Variants in NTNG1 observed in about 807,000 individuals in gnomAD.
The protein encoded by NTNG1 is netrin G1.
In NTNG1, 16 loss-of-function variants were observed where a neutral mutation model predicts 54.0. The observed-to-expected ratio is 0.30, with a 90% confidence interval of 0.20 to 0.45. The LOEUF is 0.45. Among genes scored for constraint, NTNG1 ranks in the 20% least tolerant of loss-of-function variants. The probability of loss-of-function intolerance (pLI) is 1.00; values close to 1 mark genes in which losing one functional copy is unlikely to be tolerated. For synonymous variants in NTNG1, 255 were observed against 263.1 expected (o/e 0.97, Z 0.30); for missense variants, 530 against 678.7 (o/e 0.78, Z 2.43).
At chr1:107,404,681 C>G (rs1034853966) in intron 4 of NTNG1, among the ~76,000 whole-genome samples, 3 of 152,112 alleles carry the variant, frequency 2.0e-5, no homozygotes, top group African/African-American at 7.2e-5. Context: ...GCCCTCAGAT[C>G]TGTCAGGCAA....
chr1:107,411,506 A>C (rs768189866), intron 5 of NTNG1, among the ~76,000 whole-genome samples: 22 of 152,174 alleles, frequency 1.4e-4, no homozygotes, highest in Non-Finnish European at 2.6e-4. Context: ...TAGTCAAGAA[A>C]ATAACAAGGT....
chr1:107,395,929 A>T (rs1286326371), intron 4 of NTNG1, among the ~76,000 whole-genome samples: 1 of 152,162 alleles, frequency 6.6e-6, no homozygotes, highest in African/African-American at 2.4e-5. Flanking sequence ...CCACATTAAG[A>T]AAAAAGATTT....
chr1:107,331,608 T>C (rs1668285755), intron 3 of NTNG1, among the ~76,000 whole-genome samples: 1 of 152,154 alleles, frequency 6.6e-6, no homozygotes, highest in South Asian at 2.1e-4. Flanking sequence ...TTTTATTATG[T>C]ACACCTGCTT....
At chr1:107,312,600 T>C (rs537577751) in intron 2 of NTNG1, among the ~76,000 whole-genome samples, 1 of 152,120 alleles carries the variant, frequency 6.6e-6, no homozygotes, top group Non-Finnish European at 1.5e-5. Context: ...CCAGTGCGAA[T>C]TGAAGTGTGG....
intron 7 of NTNG1, among the ~76,000 whole-genome samples, chr1:107,476,271 A>G (rs535158144): frequency 3.9e-5 from 6 of 152,140 alleles, no homozygotes; most frequent in South Asian, 2.1e-4. Context: ...GATGTTCTTC[A>G]GTTTTCTATC....
At chr1:107,256,347 T>C (rs1662932219) in intron 2 of NTNG1, among the ~76,000 whole-genome samples, 1 of 152,210 alleles carries the variant, frequency 6.6e-6, no homozygotes, top group African/African-American at 2.4e-5. Context: ...CTAACTGGAC[T>C]CATTCATTCA....
At chr1:107,184,461 T>A (rs1338321320) in intron 2 of NTNG1, among the ~76,000 whole-genome samples, 2 of 152,166 alleles carry the variant, frequency 1.3e-5, no homozygotes, top group Non-Finnish European at 2.9e-5. Flanking sequence ...AGTAGTTTTC[T>A]CACCCTGCTT....
At chr1:107,363,562 TA>T (rs1289612532) in intron 3 of NTNG1, among the ~76,000 whole-genome samples, 3 of 152,270 alleles carry the variant, frequency 2.0e-5, no homozygotes, top group East Asian at 1.9e-4. Flanking sequence ...TTTCCCCCAA[TA>T]AAAAAACCTG....
chr1:107,476,110 T>A (rs1346277058), intron 7 of NTNG1, among the ~76,000 whole-genome samples: 2 of 152,228 alleles, frequency 1.3e-5, no homozygotes, highest in Admixed American at 1.3e-4. Context: ...ACTGTCACAC[T>A]TTTCCAGTTT....
At chr1:107,300,461 T>C (rs569135881) in intron 2 of NTNG1, among the ~76,000 whole-genome samples, 14 of 152,288 alleles carry the variant, frequency 9.2e-5, no homozygotes, top group African/African-American at 3.4e-4. Flanking sequence ...GCGCCAACAC[T>C]CAATTATTCT....
chr1:107,259,089 C>A (rs958437943), intron 2 of NTNG1, among the ~76,000 whole-genome samples: 1 of 152,110 alleles, frequency 6.6e-6, no homozygotes, highest in African/African-American at 2.4e-5. Context: ...TTAGAAAATG[C>A]TGGCTTAAGA....
intron 3 of NTNG1, among the ~76,000 whole-genome samples, chr1:107,352,208 C>A (rs1478043333): frequency 6.6e-6 from 1 of 152,200 alleles, no homozygotes; most frequent in Non-Finnish European, 1.5e-5. Context: ...TTCTCACAGA[C>A]CCACTAGGCA....
At position 107,186,572 on chromosome 1, in the gene NTNG1, G is replaced by A. The variant is rs567438314; in HGVS notation, c.246+37733G>A. ...CTATTAGGTTGGTGCAAAAGTAACT[G>A]CAGTTTTGTCATTAAAAGTAAGGCA... On this transcript the variant is annotated intron_variant, in intron 2 of 7. Coordinates refer to ENST00000370068, the MANE Select transcript of NTNG1 (RefSeq NM_001113226.3). Among the ~76,000 whole-genome samples the A allele has an allele frequency of 4.6e-5, 7 of 152,170 alleles. No homozygotes were observed. The South Asian group carries it at 1.0e-3, about 23-fold the overall frequency.
chr1:107,243,911 G>A (rs1413133055), intron 2 of NTNG1, among the ~76,000 whole-genome samples: 3 of 152,086 alleles, frequency 2.0e-5, no homozygotes, highest in South Asian at 2.1e-4. Flanking sequence ...GTTAAAACTA[G>A]GCATTTTGTC....
chr1:107,144,946 C>T (rs116637423), intron 1 of NTNG1, among the ~76,000 whole-genome samples: 3,664 of 151,998 alleles, frequency 0.024, 139 homozygotes, highest in African/African-American at 0.084. Flanking sequence ...CTGGAGCTGC[C>T]CAGAGCTCTT....
chr1:107,207,247 C>T (rs1364650373), intron 2 of NTNG1, among the ~76,000 whole-genome samples: 7 of 152,172 alleles, frequency 4.6e-5, no homozygotes, highest in Admixed American at 4.6e-4. Context: ...AACACTCTTC[C>T]TGGCACTAAC....
rs149547591 is a variant in NTNG1, at chr1:107,468,288, A to G, written c.1391-12323A>G. ...TAAGGAGACGTTTGGCTATAGCTTG[A>G]CAAACAGGAACCTCAAATTATATTT... On this transcript the variant is annotated intron_variant, in intron 7 of 7. Transcript: ENST00000370068. Among the ~76,000 whole-genome samples the G allele has an allele frequency of 2.4e-3, 366 of 152,312 alleles. 1 individual carries two copies. The highest frequency in any genetic ancestry group is 8.5e-3 in the African/African-American group (353 of 41,560).
chr1:107,476,509 C>A (rs541151952), intron 7 of NTNG1, among the ~76,000 whole-genome samples: 2 of 152,312 alleles, frequency 1.3e-5, no homozygotes, highest in South Asian at 4.1e-4. Context: ...TTCTCTCTCT[C>A]CTGACCAAAC....
rs1335868129 is a variant in NTNG1 at position 107,484,237 on chromosome 1, A to G, written c.*3397A>G. Among the ~76,000 whole-genome samples the G allele has an allele frequency of 6.6e-6, 1 of 152,166 alleles. No homozygotes were observed. Among genetic ancestry groups the G allele is most frequent in the Admixed American group, 6.5e-5 (1 of 15,288 alleles). On this transcript the variant is annotated 3_prime_UTR_variant, in exon 8 of 8. Transcript: ENST00000370068. ...AGCAAGGAGAAGCCACTTGCCATGAAAACAAGAGTCCAGGGCTGAAAAATA... is the reference window on the plus strand; with the variant it reads ...AGCAAGGAGAAGCCACTTGCCATGAGAACAAGAGTCCAGGGCTGAAAAATA...
Sources: gnomAD v4.1 joint callset for allele counts (sites outside exome capture counted in the v4.1 genomes callset) on GRCh38, gnomAD v4.1.1 for gene constraint, MANE v1.5 for transcripts, NCBI Gene and HGNC (gene_info 2026-07-23, HGNC 2026-07-21) for gene names.